ATAD2B: variants seen among roughly 807,000 people sequenced by gnomAD.
ATAD2B encodes the protein ATPase family AAA domain containing 2B, also known as ATPase family AAA domain-containing protein 2B.
A neutral mutation model predicts 167.6 loss-of-function variants in ATAD2B; 40 were observed. The observed-to-expected ratio is 0.24, with a 90% CI of 0.19 to 0.31. The LOEUF (loss-of-function observed/expected upper bound fraction) is 0.31. ATAD2B is among the 10% of genes least tolerant of loss of function. ATAD2B has a pLI of 1.00. For missense variants in ATAD2B, 1,242 were observed against 1,757.2 expected, an observed-to-expected ratio of 0.71 and a Z score of 5.24; for synonymous variants, 579 against 596.5, an observed-to-expected ratio of 0.97 and a Z score of 0.43.
intron 18 of ATAD2B, among the ~76,000 whole-genome samples, chr2:23,799,591 A>G (rs1472853225): frequency 4.2e-5 from 6 of 142,606 alleles, no homozygotes; most frequent in South Asian, 2.1e-4. Context: ...AAAAAAAAAG[A>G]AAAGAAAAAT....
At chr2:23,762,886 G>A (rs1676926180) in intron 23 of ATAD2B, among the ~76,000 whole-genome samples, 1 of 152,014 alleles carries the variant, frequency 6.6e-6, no homozygotes, top group African/African-American at 2.4e-5. Flanking sequence ...TTTTCTCCAG[G>A]TTCTCTCTGT....
intron 10 of ATAD2B, among the ~76,000 whole-genome samples, chr2:23,866,379 T>C (rs1695132898): frequency 6.6e-6 from 1 of 152,052 alleles, no homozygotes; most frequent in South Asian, 2.1e-4. Context: ...TACTCCAGCC[T>C]GGGCAACAAG....
chr2:23,741,740 A>C, the ATAD2B span, among the ~76,000 whole-genome samples: 1 of 152,208 alleles, frequency 6.6e-6, no homozygotes, highest in African/African-American at 2.4e-5. Context: ...GCACAGCAAA[A>C]GAAACGACCA....
At chr2:23,881,000 T>C (rs1697800541) in intron 6 of ATAD2B, among the ~76,000 whole-genome samples, 2 of 152,354 alleles carry the variant, frequency 1.3e-5, no homozygotes, top group Non-Finnish European at 2.9e-5. Context: ...GATCATATTT[T>C]ATCTCTTGAT....
intron 7 of ATAD2B, among the ~76,000 whole-genome samples, chr2:23,880,317 C>T (rs886980740): frequency 2.6e-5 from 4 of 152,020 alleles, no homozygotes; most frequent in Non-Finnish European, 5.9e-5. Context: ...TAAGAGATTG[C>T]CTTCTTTTAA....
chr2:23,836,078 G>C (rs1364289476), intron 13 of ATAD2B, among the ~76,000 whole-genome samples: 1 of 151,826 alleles, frequency 6.6e-6, no homozygotes, highest in Non-Finnish European at 1.5e-5. Flanking sequence ...CCACCCACTC[G>C]ACCTGACTGC....
intron 22 of ATAD2B, among the ~76,000 whole-genome samples, chr2:23,770,524 T>A (rs1678173378): frequency 6.6e-6 from 1 of 152,228 alleles, no homozygotes; most frequent in Non-Finnish European, 1.5e-5. Flanking sequence ...TGATCCATTG[T>A]GAGTCAACTT....
intron 8 of ATAD2B, among the ~76,000 whole-genome samples, chr2:23,871,385 G>T (rs1222621459): frequency 6.6e-6 from 1 of 151,898 alleles, no homozygotes; most frequent in South Asian, 2.1e-4. Context: ...CCTACTTTTT[G>T]AACATAACCT....
intron 8 of ATAD2B, among the ~76,000 whole-genome samples, chr2:23,873,721 T>C (rs1696357798): frequency 6.6e-6 from 1 of 152,246 alleles, no homozygotes; most frequent in Non-Finnish European, 1.5e-5. Context: ...GGACCAACTG[T>C]ACTTGCTAAT....
At chr2:23,842,366 G>C (rs1214309927) in intron 13 of ATAD2B, among the ~76,000 whole-genome samples, 4 of 151,990 alleles carry the variant, frequency 2.6e-5, no homozygotes, top group Admixed American at 1.3e-4. Context: ...GACCCAATCA[G>C]AGCACCCCTC....
downstream of ATAD2B, among the ~76,000 whole-genome samples, chr2:23,746,039 G>A (rs918069807): frequency 4.6e-5 from 7 of 152,176 alleles, no homozygotes; most frequent in African/African-American, 1.7e-4. Context: ...TGTTCCTTCT[G>A]CCTGGAAATC....
intron 1 of ATAD2B, among the ~76,000 whole-genome samples, chr2:23,921,449 T>C (rs1703920848): frequency 6.6e-6 from 1 of 152,166 alleles, no homozygotes. Flanking sequence ...CTACCACTTG[T>C]CCAGCTGGAT....
the ATAD2B span, among the ~76,000 whole-genome samples, chr2:23,705,816 A>G: frequency 2.6e-5 from 4 of 152,232 alleles, no homozygotes; most frequent in Non-Finnish European, 4.4e-5. Flanking sequence ...GCAAAGAAGT[A>G]GCTGAAATGC....
At chr2:23,828,618 C>T (rs1688595186) in intron 15 of ATAD2B, among the ~76,000 whole-genome samples, 1 of 152,126 alleles carries the variant, frequency 6.6e-6, no homozygotes, top group Non-Finnish European at 1.5e-5. Context: ...CAATGAAAGG[C>T]ATGTTATTAT....
At chr2:23,774,347 C>T (rs531856880) in intron 22 of ATAD2B, among the ~76,000 whole-genome samples, 27 of 152,086 alleles carry the variant, frequency 1.8e-4, no homozygotes, top group African/African-American at 6.0e-4. Context: ...CCTAGCTACT[C>T]GGGAGGCTGA....
intron 18 of ATAD2B, among the ~76,000 whole-genome samples, chr2:23,802,710 CA>C (rs1176055264): frequency 6.6e-6 from 1 of 151,540 alleles, no homozygotes. Context: ...CAAAAGCATC[CA>C]AAATATACAC....
intron 1 of ATAD2B, among the ~76,000 whole-genome samples, chr2:23,925,771 C>A (rs983521932): frequency 1.3e-5 from 2 of 152,204 alleles, no homozygotes; most frequent in African/African-American, 4.8e-5. Context: ...TGTTCATTCA[C>A]CTTTTGTAAT....
At chr2:23,727,439 G>A in the ATAD2B span, among the ~76,000 whole-genome samples, 2 of 152,132 alleles carry the variant, frequency 1.3e-5, no homozygotes, top group African/African-American at 4.8e-5. Context: ...ACAAACTGTG[G>A]GACAAACAAG....
At chr2:23,905,575 G>T (rs1455531614) in intron 1 of ATAD2B, among the ~76,000 whole-genome samples, 7 of 152,050 alleles carry the variant, frequency 4.6e-5, no homozygotes, top group Non-Finnish European at 1.0e-4. Context: ...TGTACAGACA[G>T]GACCAATCTT....
Sources: allele counts gnomAD v4.1 joint callset (sites outside exome capture counted in the v4.1 genomes callset), GRCh38; gene constraint gnomAD v4.1.1; transcripts MANE v1.5; gene names NCBI Gene and HGNC (gene_info 2026-07-23, HGNC 2026-07-21).